Variants in EXOC4 observed in about 807,000 individuals in gnomAD.
EXOC4 encodes the protein exocyst complex component 4, also known as SEC8-like 1.
EXOC4 carries 71 observed loss-of-function variants against 107.2 expected under a neutral mutation model. That is an observed-to-expected ratio of 0.66 (90% confidence interval 0.55 to 0.81). The LOEUF (loss-of-function observed/expected upper bound fraction) is 0.81, where lower values mean the gene tolerates loss of function less well. Ranked by LOEUF, EXOC4 falls within the 30% of genes least tolerant of loss-of-function variation. The pLI, the probability that EXOC4 is intolerant of heterozygous loss-of-function variation, is 0.00. For missense variants in EXOC4, 1,108 were observed against 1,189.6 expected (o/e 0.93, Z 1.01); for synonymous variants, 456 against 441.2 (o/e 1.03, Z -0.42).
At chr7:133,730,769 T>A (rs368464913) in intron 10 of EXOC4, among the ~76,000 whole-genome samples, 5 of 152,188 alleles carry the variant, frequency 3.3e-5, no homozygotes, top group Non-Finnish European at 7.4e-5. Flanking sequence ...ATCAAACTAT[T>A]TGAAATTATG....
intron 13 of EXOC4, among the ~76,000 whole-genome samples, chr7:133,925,909 C>T (rs916929594): frequency 5.3e-5 from 8 of 151,926 alleles, no homozygotes; most frequent in East Asian, 1.9e-4. Context: ...CATGGTTATA[C>T]GTGCCTGTAA....
intron 10 of EXOC4, among the ~76,000 whole-genome samples, chr7:133,776,626 A>G (rs527878103): frequency 6.6e-6 from 1 of 152,334 alleles, no homozygotes; most frequent in South Asian, 2.1e-4. Flanking sequence ...GAAAAATTCA[A>G]TTCATGTTTG....
At chr7:133,687,197 C>G (rs1794323991) in intron 10 of EXOC4, among the ~76,000 whole-genome samples, 1 of 151,874 alleles carries the variant, frequency 6.6e-6, no homozygotes, top group Non-Finnish European at 1.5e-5. Context: ...AAAATGGGAG[C>G]TAAGCTATGA....
intron 6 of EXOC4, among the ~76,000 whole-genome samples, chr7:133,370,340 G>C (rs1378331738): frequency 2.6e-5 from 4 of 151,898 alleles, no homozygotes; most frequent in Non-Finnish European, 4.4e-5. Context: ...TTTTAGGGAG[G>C]CATGAGACAT....
intron 10 of EXOC4, among the ~76,000 whole-genome samples, chr7:133,803,809 G>A (rs144065061): frequency 2.6e-5 from 4 of 152,122 alleles, no homozygotes; most frequent in African/African-American, 9.6e-5. Flanking sequence ...ATAGAAAGGT[G>A]GAAATACTAA....
chr7:133,598,574 G>T (rs1463160998), intron 9 of EXOC4, among the ~76,000 whole-genome samples: 2 of 152,206 alleles, frequency 1.3e-5, no homozygotes, highest in East Asian at 3.8e-4. Flanking sequence ...ATTGTGTCTA[G>T]AACAACTAGG....
At chr7:133,644,398 A>G (rs1044643403) in intron 10 of EXOC4, among the ~76,000 whole-genome samples, 5 of 152,126 alleles carry the variant, frequency 3.3e-5, no homozygotes, top group African/African-American at 4.8e-5. Context: ...TTGTAGTTGA[A>G]TGACTGTGGT....
chr7:134,010,209 T>G (rs1794732494), intron 17 of EXOC4: 1 of 152,152 alleles, frequency 6.6e-6, no homozygotes, highest in African/African-American at 2.4e-5. Context: ...CCAAAGTAAG[T>G]GTTAATTGTA....
intron 15 of EXOC4, among the ~76,000 whole-genome samples, chr7:134,002,311 T>C (rs528677309): frequency 1.3e-5 from 2 of 152,266 alleles, no homozygotes; most frequent in South Asian, 4.1e-4. Flanking sequence ...ACACATCCCA[T>C]ATAAAACTTA....
chr7:133,423,830 C>T (rs561831259), intron 7 of EXOC4, among the ~76,000 whole-genome samples: 4 of 152,262 alleles, frequency 2.6e-5, no homozygotes, highest in Non-Finnish European at 4.4e-5. Flanking sequence ...TCGGAGGGCC[C>T]GCACTTGGCA....
At chr7:133,661,672 T>TAAAAAAAAAAAAA (rs1177627198) in intron 10 of EXOC4, among the ~76,000 whole-genome samples, 1 of 13,436 alleles carries the variant, frequency 7.4e-5, no homozygotes, top group Non-Finnish European at 1.5e-4. Flanking sequence ...TCCTTAAAAC[T>TAAAAAAAAAAAAA]AAAAAAAAAA....
rs149912458 is a variant in EXOC4 at position 133,638,671 on chromosome 7, G to A, written c.1514+8530G>A. Among the ~76,000 whole-genome samples the A allele has an allele frequency of 1.2e-3, 188 of 151,980 alleles. 1 individual carries two copies. Among genetic ancestry groups the A allele is most frequent in the African/African-American group, 4.4e-3 (181 of 41,448 alleles). ...TTTTTCTTTTTCCTTTTCATGTCCA[G>A]TAACTGGTACGTACGAGTATAACTT... On this transcript the variant is annotated intron_variant, in intron 10 of 17. Transcript: ENST00000253861.
At position 133,903,661 on chromosome 7, in the gene EXOC4, G is replaced by C. The variant is rs538361195; in HGVS notation, c.1871+7926G>C. ...CTTAGCCATGTGGGGGAGGGAGTTGGACATATGCATCAAAACAAGAGAGGT... is the reference window on the plus strand; with the variant it reads ...CTTAGCCATGTGGGGGAGGGAGTTGCACATATGCATCAAAACAAGAGAGGT... On this transcript the variant is annotated intron_variant, in intron 12 of 17. Transcript: ENST00000253861. 1.6e-4 allele frequency among the ~76,000 whole-genome samples: 24 copies of C among 152,250 alleles called. 2 individuals carry two copies. In the South Asian group the frequency reaches 4.4e-3, roughly 28 times the overall value.
chr7:133,612,132 A>G (rs538361086), intron 9 of EXOC4, among the ~76,000 whole-genome samples: 1 of 152,180 alleles, frequency 6.6e-6, no homozygotes, highest in East Asian at 1.9e-4. Flanking sequence ...ATATATTATT[A>G]GGAGGAAAAA....
chr7:133,717,626 T>C (rs545955429), intron 10 of EXOC4, among the ~76,000 whole-genome samples: 4 of 152,354 alleles, frequency 2.6e-5, no homozygotes, highest in South Asian at 2.1e-4. Flanking sequence ...TGTGCATATG[T>C]AAATAATGAG....
At chr7:133,293,601 G>T (rs1007433823) in intron 3 of EXOC4, among the ~76,000 whole-genome samples, 2 of 152,196 alleles carry the variant, frequency 1.3e-5, no homozygotes, top group African/African-American at 4.8e-5. Context: ...GCTCTTGGCA[G>T]CTCCTGCTAT....
At chr7:133,513,855 A>G (rs1176307974) in intron 9 of EXOC4, among the ~76,000 whole-genome samples, 1 of 152,160 alleles carries the variant, frequency 6.6e-6, no homozygotes, top group East Asian at 1.9e-4. Context: ...ATGAAGATTC[A>G]TGAAATTGCT....
In EXOC4 at chr7:133,384,933, A is replaced by G. The variant is rs80324105; in HGVS notation, c.1182+9931A>G. Among the ~76,000 whole-genome samples, 758 of 152,074 alleles carry G rather than the reference A, an allele frequency of 5.0e-3. 3 individuals are homozygous for G. Among genetic ancestry groups the G allele is most frequent in the Middle Eastern group, 0.017 (5 of 294 alleles). On this transcript the variant is annotated intron_variant, in intron 7 of 17. Coordinates refer to ENST00000253861, the MANE Select transcript of EXOC4 (RefSeq NM_021807.4). ...GAAGGCTCCAATGCACAGTGCTTCT[A>G]CTTGACATGGCATTGGCTGAGAACA... is the stretch of plus-strand genomic sequence containing the variant.
intron 10 of EXOC4, among the ~76,000 whole-genome samples, chr7:133,659,000 C>CTTTTTTTTTTTTT (rs397890140): frequency 7.5e-5 from 3 of 40,108 alleles, no homozygotes; most frequent in African/African-American, 3.1e-4. Flanking sequence ...TTCAGAGAAG[C>CTTTTTTTTTTTTT]TTTTTTTTTT....
Sources: allele counts gnomAD v4.1 joint callset (sites outside exome capture counted in the v4.1 genomes callset), GRCh38; gene constraint gnomAD v4.1.1; transcripts MANE v1.5; gene names NCBI Gene and HGNC (gene_info 2026-07-23, HGNC 2026-07-21).